The following CYP2F1 variants were observed in gnomAD, a reference collection of about 807,000 sequenced individuals.
CYP2F1 encodes the protein cytochrome P450 family 2 subfamily F member 1.
Under a neutral mutation model 40.4 loss-of-function variants are expected in CYP2F1, and 33 were observed. The observed-to-expected ratio is 0.82, with a 90% CI of 0.62 to 1.09. The LOEUF (loss-of-function observed/expected upper bound fraction) is 1.09, where lower values mean the gene tolerates loss of function less well. Among genes scored for constraint, CYP2F1 ranks in the 50% least tolerant of loss-of-function variants. The probability of loss-of-function intolerance (pLI) is 0.00; values close to 1 mark genes in which losing one functional copy is unlikely to be tolerated. For synonymous variants in CYP2F1, 235 were observed against 277.2 expected, an observed-to-expected ratio of 0.85 and a Z score of 1.51; for missense variants, 566 against 655.7, an observed-to-expected ratio of 0.86 and a Z score of 1.49.
At position 41,125,539 on chromosome 19, in the gene CYP2F1, GC is replaced by G. The variant is rs1568382658; in HGVS notation, c.1201del (p.Gln401SerfsTer3). 6.3e-7 allele frequency: 1 copy of G among 1,598,482 alleles called. No homozygotes were observed. Among genetic ancestry groups the G allele is most frequent in the Non-Finnish European group, 8.6e-7 (1 of 1,169,168 alleles). On this transcript the variant is annotated frameshift_variant, in exon 9 of 10. Transcript: ENST00000331105. LOFTEE classifies it high-confidence loss of function. ...TLLNTVHYDP[S>X]QFLTPQEFNP... Reference sequence around the variant, plus strand: ...CTTAACACCGTCCACTACGACCCCAGCCAGTTCCTGACGCCCCAGGAGTTCA... The same window carrying G: ...CTTAACACCGTCCACTACGACCCCAGCAGTTCCTGACGCCCCAGGAGTTCA...
At position 41,121,900 on chromosome 19, in the gene CYP2F1, C is replaced by T. The variant is rs1323221683; in HGVS notation, c.646-57C>T. The T allele has an allele frequency of 6.0e-6, 9 of 1,491,584 alleles. 1 individual carries two copies. Among genetic ancestry groups the T allele is most frequent in the African/African-American group, 5.5e-5 (4 of 72,672 alleles). The allele number at this position is 1,491,584 out of a possible 1,614,324, so 92.4% of individuals were successfully genotyped here. A position where few individuals can be genotyped will look rare whatever the true frequency, so the allele number is the denominator to read the frequency against. On this transcript the variant is annotated intron_variant, in intron 5 of 9. Transcript: ENST00000331105. ...CTACCTAATCCACACTGACCCCATT[C>T]GCCCCTGAACACCCTTTGTCCTCCT...
rs1158105215 is a variant in CYP2F1 at position 41,116,573 on chromosome 19, G to A, written c.290G>A (p.Gly97Asp). 1.9e-6 allele frequency: 3 copies of A among 1,613,896 alleles called. No homozygotes were observed. The highest frequency in any genetic ancestry group is 1.7e-6 in the Non-Finnish European group (2 of 1,179,982). ...GTGGACCAGGGAGAGGAGTTTAGTG[G>A]CCGCGGTGACTACCCTGCCTTTTTC... Reference protein sequence around the residue: ...ALVDQGEEFSGRGDYPAFFNF... With the variant: ...ALVDQGEEFSDRGDYPAFFNF... The change falls in exon 3 of 10, where the codon GGC becomes GAC. Residue 97 changes from glycine (G) to aspartate (D), a missense_variant. Physicochemically the swap from Gly to Asp is moderately conservative, Grantham distance 94 (BLOSUM62 -1). Transcript: ENST00000331105.
intron 9 of CYP2F1, among the ~76,000 whole-genome samples, chr19:41,127,313 C>T (rs1191401608): frequency 2.6e-5 from 4 of 152,168 alleles, no homozygotes; most frequent in Non-Finnish European, 5.9e-5. Context: ...TCACAGCAGC[C>T]TCATGAGGCA....
At chr19:41,123,087 CCAAACCCA>C (rs2032326234) in intron 7 of CYP2F1, 124 bp downstream of exon 7, 1 of 1,171,894 alleles carries the variant, frequency 8.5e-7, no homozygotes, top group Admixed American at 2.0e-5. Context: ...GATTCCACAG[CCAAACCCA>C]CAAACCCACA....
At chr19:41,115,173 A>T (rs2031719571) in intron 1 of CYP2F1, among the ~76,000 whole-genome samples, 1 of 151,118 alleles carries the variant, frequency 6.6e-6, no homozygotes, top group Admixed American at 6.6e-5. Context: ...ATCTCTGTCT[A>T]TGTGACTCTG....
At position 41,125,357 on chromosome 19, in the gene CYP2F1, C is replaced by T. The variant is rs943788085; in HGVS notation, c.1153-136C>T. ...TAGACACCCACACATATTTCCTTGG[C>T]CCCCGATTGAGTCCTATACCCACCT... On this transcript the variant is annotated intron_variant, in intron 8 of 9. Transcript: ENST00000331105. 5.2e-4 allele frequency: 311 copies of T among 598,338 alleles called. 1 individual carries two copies. The highest frequency in any genetic ancestry group is 8.8e-5 in the Non-Finnish European group (29 of 330,720). 37.1% of individuals were successfully genotyped at this position (598,338 alleles called of 1,614,324 possible).
chr19:41,125,715 C>T (rs2032516387), intron 9 of CYP2F1, 81 bp downstream of exon 9: 1 of 1,613,814 alleles, frequency 6.2e-7, no homozygotes, highest in Non-Finnish European at 8.5e-7. Flanking sequence ...AATCCTCTCA[C>T]TCCTTCCTTC....
intron 9 of CYP2F1, among the ~76,000 whole-genome samples, chr19:41,127,502 T>A (rs939589875): frequency 2.0e-5 from 3 of 152,102 alleles, no homozygotes; most frequent in Admixed American, 6.6e-5. Context: ...TGCACATTTT[T>A]AAAATTTTTT....
intron 3 of CYP2F1, among the ~76,000 whole-genome samples, chr19:41,119,683 GTCTCTCTCTCTCTCTCTCTC>G (rs1159535426): frequency 7.5e-5 from 1 of 13,410 alleles, no homozygotes; most frequent in African/African-American, 2.6e-4. Context: ...GCAAGACTCC[GTCTCTCTCTCTCTCTCTCTC>G]TCTCTCTCTC....
Position 41,124,008 on chromosome 19 carries a change from G to A in CYP2F1, c.965-711G>A, listed in dbSNP as rs146380663. On this transcript the variant is annotated intron_variant, in intron 7 of 9. Coordinates refer to ENST00000331105, the MANE Select transcript of CYP2F1 (RefSeq NM_000774.5). ...ACCTCCCCAAGCTCCATCTCTGGGT[G>A]TATCCCCTGCTCTGCCCCTGATCTC... Among the ~76,000 whole-genome samples the A allele has an allele frequency of 3.5e-3, 534 of 152,024 alleles. 2 individuals carry two copies. Among genetic ancestry groups the A allele is most frequent in the African/African-American group, 0.012 (514 of 41,446 alleles).
Position 41,120,420 on chromosome 19 carries a change from G to A in CYP2F1, c.408G>A (p.Gly136=), listed in dbSNP as rs201147810. Residue 136 remains glycine, a synonymous_variant, in exon 4 of 10, where the codon GGG becomes GGA. Coordinates refer to ENST00000331105, the MANE Select transcript of CYP2F1 (RefSeq NM_000774.5). The part of the protein sequence containing the change: ...QFSIQILRNF[G]MGKRSIEERI... Reference sequence around the variant, plus strand: ...CTATCCAGATTCTACGGAATTTCGGGATGGGGAAGAGAAGCATTGAGGAGC... The same window carrying A: ...CTATCCAGATTCTACGGAATTTCGGAATGGGGAAGAGAAGCATTGAGGAGC... 1.9e-6 allele frequency: 3 copies of A among 1,614,114 alleles called. No individual in the cohort carries two copies. The highest frequency in any genetic ancestry group is 2.2e-5 in the South Asian group (2 of 91,078).
chr19:41,127,646 T>C (rs2032596310), intron 9 of CYP2F1, among the ~76,000 whole-genome samples: 1 of 152,140 alleles, frequency 6.6e-6, no homozygotes, highest in South Asian at 2.1e-4. Context: ...CATATCCCCA[T>C]TTTAAATATC....
chr19:41,118,812 C>T lies in CYP2F1; in HGVS notation c.335-1535C>T, dbSNP rs28631580. Among the ~76,000 whole-genome samples, 486 of 152,314 alleles carry T rather than the reference C, an allele frequency of 3.2e-3. 9 individuals are homozygous for T. Among genetic ancestry groups the T allele is most frequent in the African/African-American group, 0.011 (465 of 41,576 alleles). ...TGAGAAAATTATAATAGCATTAACT[C>T]CATGTTATGAGGAGTCAATGAGACA... On this transcript the variant is annotated intron_variant, in intron 3 of 9. Coordinates refer to ENST00000331105, the MANE Select transcript of CYP2F1 (RefSeq NM_000774.5).
chr19:41,125,205 C>T (rs1233731041), intron 8 of CYP2F1: 3 of 596,826 alleles, frequency 5.0e-6, no homozygotes, highest in Non-Finnish European at 5.8e-6. Flanking sequence ...TGGGCCTAAA[C>T]GCTATTCTCA....
rs756365554 is a variant in CYP2F1, at chr19:41,122,905, G to A, written c.906G>A (p.Thr302=). 35 of 1,608,890 alleles carry A rather than the reference G, an allele frequency of 2.2e-5. No individual in the cohort carries two copies. Among genetic ancestry groups the A allele is most frequent in the East Asian group, 4.5e-5 (2 of 44,822 alleles). ...THNLLFGGTK[T]VSTTLHHAFL... is the part of the protein sequence containing the mutation. Reference sequence around the variant, plus strand: ...ACCTGCTCTTTGGCGGCACCAAGACGGTGAGCACCACGCTGCACCACGCCT... The same window carrying A: ...ACCTGCTCTTTGGCGGCACCAAGACAGTGAGCACCACGCTGCACCACGCCT... The change falls in exon 7 of 10, where the codon ACG becomes ACA. Residue 302 remains threonine (T), a synonymous_variant. Transcript: ENST00000331105.
intron 3 of CYP2F1, among the ~76,000 whole-genome samples, chr19:41,117,490 C>T (rs1599669944): frequency 6.6e-6 from 1 of 152,196 alleles, no homozygotes; most frequent in East Asian, 1.9e-4. Context: ...AACCCAATTA[C>T]CTATTGAAAT....
At chr19:41,115,020 T>C (rs2031709932) in intron 1 of CYP2F1, among the ~76,000 whole-genome samples, 1 of 152,240 alleles carries the variant, frequency 6.6e-6, no homozygotes, top group East Asian at 1.9e-4. Context: ...TCCGCCTGCC[T>C]CGGCCTCCCA....
At chr19:41,127,856 C>T (rs770793626) in intron 9 of CYP2F1, 45 bp from the exon 10 acceptor site, 4 of 1,544,662 alleles carry the variant, frequency 2.6e-6, no homozygotes, top group South Asian at 2.3e-5. Flanking sequence ...CAGCCTCTAA[C>T]CTCATCTTAT....
At position 41,121,585 on chromosome 19, in the gene CYP2F1, C is replaced by T; in HGVS notation, c.612C>T (p.Asp204=). The change falls in exon 5 of 10, where the codon GAC becomes GAT. Residue 204 remains aspartate (D), a synonymous_variant. Coordinates refer to ENST00000331105, the MANE Select transcript of CYP2F1 (RefSeq NM_000774.5). Reference sequence around the variant, plus strand: ...TCACCATTATCCGCCTTATCAATGACAACTTCCAAATCATGAGCAGCCCCT... The same window carrying T: ...TCACCATTATCCGCCTTATCAATGATAACTTCCAAATCATGAGCAGCCCCT... The part of the protein sequence containing the change: ...RLLTIIRLIN[D]NFQIMSSPWG... 6.2e-7 allele frequency: 1 copy of T among 1,610,288 alleles called. No homozygotes were observed. The highest frequency in any genetic ancestry group is 8.5e-7 in the Non-Finnish European group (1 of 1,179,784).
Sources: allele counts gnomAD v4.1 joint callset (sites outside exome capture counted in the v4.1 genomes callset), GRCh38; gene constraint gnomAD v4.1.1; transcripts MANE v1.5; gene names NCBI Gene and HGNC (gene_info 2026-07-23, HGNC 2026-07-21).